The following CEP97 variants were observed in gnomAD, a reference collection of about 807,000 sequenced individuals.
The protein encoded by CEP97 is centrosomal protein 97.
In CEP97, 43 loss-of-function variants were observed where a neutral mutation model predicts 73.1. The ratio of observed to expected loss-of-function variants is 0.59; its 90% CI spans 0.46 to 0.76. The LOEUF is 0.76. CEP97 is among the 30% of genes least tolerant of loss of function. CEP97 has a pLI of 0.00. For missense variants in CEP97, 939 were observed against 1,014.0 expected (o/e 0.93, Z 1.00); for synonymous variants, 337 against 370.0 (o/e 0.91, Z 1.02).
At chr3:101,725,088 T>C (rs951680380) in intron 1 of CEP97, among the ~76,000 whole-genome samples, 1 of 152,230 alleles carries the variant, frequency 6.6e-6, no homozygotes, top group Non-Finnish European at 1.5e-5. Flanking sequence ...CTCTTTCGCT[T>C]CACACATCTC....
intron 10 of CEP97, chr3:101,763,131 C>A: frequency 8.3e-7 from 1 of 1,211,544 alleles, no homozygotes; most frequent in South Asian, 1.3e-5. Context: ...GCCATATTGC[C>A]CAGGCCGGTC....
chr3:101,740,171 G>T (rs2107149489), intron 6 of CEP97, among the ~76,000 whole-genome samples: 1 of 152,316 alleles, frequency 6.6e-6, no homozygotes, highest in South Asian at 2.1e-4. Flanking sequence ...GATAGGAAGA[G>T]AGGAAGTCAA....
chr3:101,729,477 A>G (rs548260211), intron 4 of CEP97, among the ~76,000 whole-genome samples: 4 of 152,332 alleles, frequency 2.6e-5, no homozygotes, highest in African/African-American at 9.6e-5. Flanking sequence ...TCTGAACATG[A>G]TGGAATTCCC....
At chr3:101,727,172 C>T (rs924083138) in intron 2 of CEP97, among the ~76,000 whole-genome samples, 7 of 152,152 alleles carry the variant, frequency 4.6e-5, no homozygotes, top group Non-Finnish European at 8.8e-5. Flanking sequence ...GAGGTCTGAT[C>T]GCTCAGCTTT....
rs1369986912 is a variant in CEP97 at position 101,758,733 on chromosome 3, A to G, written c.1817+310A>G. ...AGAAAGGTACAGAAAACATTGAAAAACCAAGTATAAAAATGAGAAGATGAT... is the reference window on the plus strand; with the variant it reads ...AGAAAGGTACAGAAAACATTGAAAAGCCAAGTATAAAAATGAGAAGATGAT... On this transcript the variant is annotated intron_variant, in intron 9 of 10. Transcript: ENST00000341893. 3.1e-5 allele frequency: 8 copies of G among 259,654 alleles called. No homozygotes were observed. The Admixed American group carries it at 3.4e-4, about 11-fold the overall frequency. The allele number at this position is 259,654 out of a possible 1,614,324, so 16.1% of individuals were successfully genotyped here.
intron 6 of CEP97, among the ~76,000 whole-genome samples, chr3:101,753,305 C>G (rs547376407): frequency 1.3e-5 from 2 of 152,200 alleles, no homozygotes; most frequent in Admixed American, 6.5e-5. Flanking sequence ...TCTGCCCCTA[C>G]TGGGGGGTGC....
intron 6 of CEP97, among the ~76,000 whole-genome samples, chr3:101,747,168 C>T (rs1938643285): frequency 6.6e-6 from 1 of 151,694 alleles, no homozygotes; most frequent in South Asian, 2.1e-4. Context: ...ACCCAGCCAT[C>T]CCATTACTGG....
At chr3:101,757,273 G>A in intron 8 of CEP97, 77 bp downstream of exon 8, 1 of 1,482,364 alleles carries the variant, frequency 6.7e-7, no homozygotes, top group Non-Finnish European at 9.0e-7. Flanking sequence ...AGAAAAAGGT[G>A]CATATTTTCA....
rs7647699 is a variant in CEP97 at position 101,743,870 on chromosome 3, C to T, written c.728+11216C>T. ...TACAAAAAAATTAGCTGGGTATGGT[C>T]GCGCGTGCCTATAATCCCAGCTACT... On this transcript the variant is annotated intron_variant, in intron 6 of 10. Coordinates refer to ENST00000341893, the MANE Select transcript of CEP97 (RefSeq NM_024548.4). 9.9e-3 allele frequency among the ~76,000 whole-genome samples: 1,510 copies of T among 151,914 alleles called. 20 individuals carry two copies. The highest frequency in any genetic ancestry group is 0.032 in the African/African-American group (1,344 of 41,426).
In CEP97 at chr3:101,765,315, A is replaced by G. The variant is rs763131812; in HGVS notation, c.2362A>G (p.Arg788Gly). 1 of 1,614,152 alleles carries G rather than the reference A, an allele frequency of 6.2e-7. No homozygotes were observed. The highest frequency in any genetic ancestry group is 2.2e-5 in the East Asian group (1 of 44,868). Reference sequence around the variant, plus strand: ...TCAACAGCTGGAAGATGCTGATGAGAGGACCAATTTTGATACAGAGACAAG... The same window carrying G: ...TCAACAGCTGGAAGATGCTGATGAGGGGACCAATTTTGATACAGAGACAAG... ...SVQQLEDADE[R>G]TNFDTETRDS... The change falls in exon 11 of 11, where the codon AGG (arginine) becomes GGG (glycine). Residue 788 changes from arginine to glycine, a missense_variant. Arg to Gly is a moderately radical substitution (Grantham distance 125). Coordinates refer to ENST00000341893, the MANE Select transcript of CEP97 (RefSeq NM_024548.4).
intron 4 of CEP97, 90 bp from the exon 5 acceptor site, chr3:101,731,750 A>G (rs1323837966): frequency 1.4e-6 from 1 of 710,064 alleles, no homozygotes; most frequent in African/African-American, 1.8e-5. Context: ...AGATTCCTTT[A>G]TTCTTATATG....
intron 10 of CEP97, 130 bp downstream of exon 10, chr3:101,762,690 C>T (rs554423497): frequency 4.5e-5 from 26 of 575,236 alleles, no homozygotes; most frequent in Admixed American, 1.0e-4. Flanking sequence ...TTGTGTTCTT[C>T]GCCACTAACT....
intron 6 of CEP97, among the ~76,000 whole-genome samples, chr3:101,749,145 TC>T (rs2107168500): frequency 1.4e-5 from 1 of 70,046 alleles, no homozygotes; most frequent in South Asian, 6.7e-4. Context: ...CCCTCCCCCC[TC>T]CCCCCACCCC....
intron 1 of CEP97, among the ~76,000 whole-genome samples, chr3:101,726,377 G>A (rs1937888898): frequency 6.6e-6 from 1 of 152,132 alleles, no homozygotes; most frequent in Non-Finnish European, 1.5e-5. Flanking sequence ...AATATCACAC[G>A]TCTAGTTTTA....
chr3:101,742,836 A>C (rs544245174), intron 6 of CEP97, among the ~76,000 whole-genome samples: 27 of 152,164 alleles, frequency 1.8e-4, no homozygotes, highest in Non-Finnish European at 3.2e-4. Context: ...GTACAGAGCG[A>C]GACTCCATCT....
intron 3 of CEP97, 53 bp from the exon 4 acceptor site, chr3:101,728,783 T>G (rs1937988698): frequency 8.6e-7 from 1 of 1,164,100 alleles, no homozygotes; most frequent in Non-Finnish European, 1.3e-6. Context: ...AGGGAATAAT[T>G]TTATTTTTTG....
intron 1 of CEP97, 58 bp downstream of exon 1, chr3:101,724,777 T>G: frequency 6.4e-7 from 1 of 1,560,692 alleles, no homozygotes; most frequent in Non-Finnish European, 8.8e-7. Flanking sequence ...AATTAAATAG[T>G]GGAGAGCAGA....
intron 6 of CEP97, among the ~76,000 whole-genome samples, chr3:101,746,216 A>G (rs960327007): frequency 1.8e-4 from 27 of 152,214 alleles, no homozygotes; most frequent in African/African-American, 6.5e-4. Flanking sequence ...CAATAAACAT[A>G]TGTGTGCATG....
At chr3:101,755,643 C>T in intron 7 of CEP97, 49 bp downstream of exon 7, 1 of 1,574,776 alleles carries the variant, frequency 6.4e-7, no homozygotes, top group Non-Finnish European at 8.7e-7. Context: ...GTTAAAATAC[C>T]TCTGAGTCTT....
Sources: gnomAD v4.1 joint callset for allele counts (sites outside exome capture counted in the v4.1 genomes callset) on GRCh38, gnomAD v4.1.1 for gene constraint, MANE v1.5 for transcripts, NCBI Gene and HGNC (gene_info 2026-07-23, HGNC 2026-07-21) for gene names.